Variants in CABIN1 observed in about 807,000 individuals in gnomAD.
CABIN1 encodes the protein calcineurin binding protein 1.
Under a neutral mutation model 227.7 loss-of-function variants are expected in CABIN1, and 133 were observed. The ratio of observed to expected loss-of-function variants is 0.58; its 90% CI spans 0.51 to 0.67. The LOEUF is 0.67. Among genes scored for constraint, CABIN1 ranks in the 30% least tolerant of loss-of-function variants. The pLI is 0.00. For synonymous variants in CABIN1, 1,086 were observed against 1,155.1 expected, an observed-to-expected ratio of 0.94 and a Z score of 1.21; for missense variants, 2,408 against 2,852.5, an observed-to-expected ratio of 0.84 and a Z score of 3.55.
chr22:24,119,986 A>C (rs2043308251), intron 28 of CABIN1, among the ~76,000 whole-genome samples: 1 of 152,182 alleles, frequency 6.6e-6, no homozygotes, highest in African/African-American at 2.4e-5. Flanking sequence ...CCATAGGCTC[A>C]ACTACTCTTT....
chr22:24,134,462 C>T lies in CABIN1; in HGVS notation c.4746+47C>T, dbSNP rs373463901. The T allele has an allele frequency of 8.2e-4, 1,234 of 1,498,762 alleles. 1 individual carries two copies. Among genetic ancestry groups the T allele is most frequent in the Non-Finnish European group, 1.0e-3 (1,100 of 1,080,394 alleles). 92.8% of individuals were successfully genotyped at this position (1,498,762 alleles called of 1,614,324 possible). Reference sequence around the variant, plus strand: ...TTTCCAAGGCTGTTTGTTGCCACTGCTTTTCACTGAAGGCGCATGAATTGA... The same window carrying T: ...TTTCCAAGGCTGTTTGTTGCCACTGTTTTTCACTGAAGGCGCATGAATTGA... On this transcript the variant is annotated intron_variant, in intron 29 of 36. Coordinates refer to ENST00000263119, the MANE Select transcript of CABIN1 (RefSeq NM_012295.4).
chr22:24,111,803 G>A (rs2042822919), intron 26 of CABIN1, among the ~76,000 whole-genome samples: 1 of 152,244 alleles, frequency 6.6e-6, no homozygotes, highest in Admixed American at 6.5e-5. Flanking sequence ...GTTGGAGATT[G>A]TCGGTATGTC....
rs1341023398 is a variant in CABIN1, at chr22:24,038,480, A to AG, written c.210+21dup. On this transcript the variant is annotated intron_variant, in intron 4 of 36. Coordinates refer to ENST00000263119, the MANE Select transcript of CABIN1 (RefSeq NM_012295.4). Reference sequence around the variant, plus strand: ...GCGGGAGGTGAGGCATCAGCAGGCCAGGCAGTGTGCCGTGGTGGTTAGTGC... The same window carrying AG: ...GCGGGAGGTGAGGCATCAGCAGGCCAGGGCAGTGTGCCGTGGTGGTTAGTGC... 6.3e-7 allele frequency: 1 copy of AG among 1,576,424 alleles called. No homozygotes were observed. Among genetic ancestry groups the AG allele is most frequent in the Admixed American group, 1.7e-5 (1 of 59,940 alleles).
intron 30 of CABIN1, 79 bp from the exon 31 acceptor site, chr22:24,165,451 G>A (rs2046389863): frequency 7.8e-7 from 1 of 1,279,314 alleles, no homozygotes; most frequent in African/African-American, 1.5e-5. Context: ...GGCAGGGATG[G>A]GCAGTGGCCA....
At position 24,178,217 on chromosome 22, in the gene CABIN1, G is replaced by A. The variant is rs13054699; in HGVS notation, c.*21G>A. ...TTTGAGGGGCCACTGCAGCCCCACC[G>A]CCACGCCCCAGGGGACCAGCCAGGC... On this transcript the variant is annotated 3_prime_UTR_variant, in exon 37 of 37. Coordinates refer to ENST00000263119, the MANE Select transcript of CABIN1 (RefSeq NM_012295.4). 1,428 of 1,612,112 alleles carry A rather than the reference G, an allele frequency of 8.9e-4. 2 individuals are homozygous for A. The highest frequency in any genetic ancestry group is 1.2e-3 in the Non-Finnish European group (1,357 of 1,179,744).
chr22:24,110,812 C>T (rs1437866176), intron 26 of CABIN1, among the ~76,000 whole-genome samples: 2 of 151,232 alleles, frequency 1.3e-5, no homozygotes, highest in Non-Finnish European at 2.9e-5. Flanking sequence ...CTCTGACTGC[C>T]TTCAACATTT....
rs548380541 is a variant in CABIN1 at position 24,136,894 on chromosome 22, AT to A, written c.4746+2481del. 2.2e-3 allele frequency among the ~76,000 whole-genome samples: 334 copies of A among 152,010 alleles called. 2 individuals are homozygous for A. Among genetic ancestry groups the A allele is most frequent in the African/African-American group, 7.3e-3 (301 of 41,432 alleles). ...TGGATTATTGGTCCTTTTCCTATTG[AT>A]TAATAAGAACTCTTTATATATCAAT... On this transcript the variant is annotated intron_variant, in intron 29 of 36. Coordinates refer to ENST00000263119, the MANE Select transcript of CABIN1 (RefSeq NM_012295.4).
chr22:24,042,367 G>A (rs1232369382), intron 5 of CABIN1, among the ~76,000 whole-genome samples: 2 of 152,190 alleles, frequency 1.3e-5, no homozygotes, highest in Non-Finnish European at 2.9e-5. Context: ...GATCACTTGA[G>A]GCTAGGAGTT....
At chr22:24,033,999 G>A (rs1018357885) in intron 1 of CABIN1, among the ~76,000 whole-genome samples, 6 of 152,126 alleles carry the variant, frequency 3.9e-5, no homozygotes, top group African/African-American at 1.2e-4. Context: ...ATTTTTCCAC[G>A]GACCAGAGGC....
chr22:24,028,124 T>C (rs1225122608), intron 1 of CABIN1, among the ~76,000 whole-genome samples: 1 of 152,192 alleles, frequency 6.6e-6, no homozygotes, highest in East Asian at 1.9e-4. Context: ...AGCAGCATTA[T>C]ATCTAAAAAA....
chr22:24,033,002 C>T (rs1339854617), intron 1 of CABIN1, among the ~76,000 whole-genome samples: 7 of 152,126 alleles, frequency 4.6e-5, no homozygotes. Context: ...CACTTGAACC[C>T]GGGAGGTGGA....
intron 28 of CABIN1, among the ~76,000 whole-genome samples, chr22:24,122,759 G>C (rs920918172): frequency 6.6e-6 from 1 of 151,728 alleles, no homozygotes; most frequent in Admixed American, 6.6e-5. Context: ...TTTCGTTTAA[G>C]CACCAAAGTT....
At position 24,133,559 on chromosome 22, in the gene CABIN1, T is replaced by A. The variant is rs566313900; in HGVS notation, c.4633-743T>A. Among the ~76,000 whole-genome samples the A allele has an allele frequency of 2.6e-3, 391 of 152,324 alleles. 1 individual carries two copies. Among genetic ancestry groups the A allele is most frequent in the African/African-American group, 9.0e-3 (375 of 41,574 alleles). On this transcript the variant is annotated intron_variant, in intron 28 of 36. Transcript: ENST00000263119. Reference sequence around the variant, plus strand: ...GGAAAGGGTAGAGGGTCTGGCATTGTGCAGTCCCAGGTGCCAAGCCCAGCT... The same window carrying A: ...GGAAAGGGTAGAGGGTCTGGCATTGAGCAGTCCCAGGTGCCAAGCCCAGCT...
intron 17 of CABIN1, among the ~76,000 whole-genome samples, chr22:24,071,961 C>T (rs1327130789): frequency 6.6e-6 from 1 of 152,212 alleles, no homozygotes; most frequent in African/African-American, 2.4e-5. Context: ...CTGTCTGCCC[C>T]ACCCCTCCTC....
chr22:24,114,818 C>T (rs1569235965), intron 27 of CABIN1, among the ~76,000 whole-genome samples: 1 of 152,242 alleles, frequency 6.6e-6, no homozygotes, highest in Non-Finnish European at 1.5e-5. Context: ...CCTGGCTGGA[C>T]TTAGAAGGGC....
At chr22:24,025,696 A>G (rs2036036133) in intron 1 of CABIN1, among the ~76,000 whole-genome samples, 1 of 152,200 alleles carries the variant, frequency 6.6e-6, no homozygotes, top group African/African-American at 2.4e-5. Flanking sequence ...TTTGTTTGAG[A>G]CAGGCTCTCA....
intron 1 of CABIN1, among the ~76,000 whole-genome samples, chr22:24,022,575 A>G (rs1199864360): frequency 1.3e-5 from 2 of 152,166 alleles, no homozygotes; most frequent in African/African-American, 4.8e-5. Context: ...TTTTTATACA[A>G]GTTTTGTGTG....
At chr22:24,108,436 T>C (rs2042633025) in intron 26 of CABIN1, among the ~76,000 whole-genome samples, 1 of 152,244 alleles carries the variant, frequency 6.6e-6, no homozygotes, top group East Asian at 1.9e-4. Context: ...CATTCAGTGC[T>C]CATGGAGCCT....
chr22:24,013,555 C>T (rs953537866), intron 1 of CABIN1, among the ~76,000 whole-genome samples: 2 of 152,126 alleles, frequency 1.3e-5, no homozygotes, highest in Admixed American at 6.5e-5. Flanking sequence ...CAATACAAAA[C>T]GCTCTGTTAT....
Sources: allele counts gnomAD v4.1 joint callset (sites outside exome capture counted in the v4.1 genomes callset), GRCh38; gene constraint gnomAD v4.1.1; transcripts MANE v1.5; gene names NCBI Gene and HGNC (gene_info 2026-07-23, HGNC 2026-07-21).